Variants in RABGAP1L observed in about 807,000 individuals in gnomAD.
RABGAP1L encodes RAB GTPase activating protein 1 like.
A neutral mutation model predicts 137.7 loss-of-function variants in RABGAP1L; 63 were observed. That is an observed-to-expected ratio of 0.46 (90% CI 0.37 to 0.56). RABGAP1L has a LOEUF of 0.56. RABGAP1L is among the 20% of genes least tolerant of loss of function. The probability of loss-of-function intolerance (pLI) is 0.00; values close to 1 mark genes in which losing one functional copy is unlikely to be tolerated. For missense variants in RABGAP1L, 1,095 were observed against 1,244.0 expected (o/e 0.88, Z 1.80); for synonymous variants, 431 against 433.7 (o/e 0.99, Z 0.08).
At position 174,908,537 on chromosome 1, in the gene RABGAP1L, C is replaced by CTT. The variant is rs774387616; in HGVS notation, c.2341-48898_2341-48897dup. Reference sequence around the variant, plus strand: ...AAATAAGTAAGTTAAACAACATATTCTTTTTTTTTTTTTTTTTTTTTTTGA... The same window carrying CTT: ...AAATAAGTAAGTTAAACAACATATTCTTTTTTTTTTTTTTTTTTTTTTTTTGA... On this transcript the variant is annotated intron_variant, in intron 19 of 25. Transcript: ENST00000681986. Among the ~76,000 whole-genome samples the CTT allele has an allele frequency of 6.1e-3, 576 of 94,320 alleles. 1 individual carries two copies. Among genetic ancestry groups the CTT allele is most frequent in the Non-Finnish European group, 8.1e-3 (413 of 50,984 alleles). 61.9% of individuals were successfully genotyped at this position (94,320 alleles called of 152,430 possible). A position where few individuals can be genotyped will look rare whatever the true frequency, so the allele number is the denominator to read the frequency against.
intron 19 of RABGAP1L, among the ~76,000 whole-genome samples, chr1:174,859,419 G>A (rs1156702806): frequency 1.3e-5 from 2 of 150,064 alleles, no homozygotes; most frequent in African/African-American, 4.9e-5. Context: ...GGAGGCAGAG[G>A]TTGCAGTGAG....
In RABGAP1L at chr1:174,659,238, A is replaced by C. The variant is rs1268197620; in HGVS notation, c.1824+21750A>C. On this transcript the variant is annotated intron_variant, in intron 14 of 25. Transcript: ENST00000681986. ...TGAAGATACCTGCTTTACTTTACCA[A>C]AAAAAAAAAAAAAAAATCCTCAAAA... is the stretch of plus-strand genomic sequence containing the variant. 9.8e-5 allele frequency among the ~76,000 whole-genome samples: 6 copies of C among 60,974 alleles called. No individual in the cohort carries two copies. The African/African-American group carries it at 1.0e-3, about 10-fold the overall frequency. The allele number at this position is 60,974 out of a possible 152,430, so 40.0% of individuals were successfully genotyped here.
At chr1:174,349,747 T>A (rs560575250) in intron 11 of RABGAP1L, among the ~76,000 whole-genome samples, 3 of 124,548 alleles carry the variant, frequency 2.4e-5, no homozygotes, top group South Asian at 6.0e-4. Flanking sequence ...CCCCCCCACC[T>A]CCCTCCCAGA....
intron 13 of RABGAP1L, among the ~76,000 whole-genome samples, chr1:174,461,059 C>G (rs1275906648): frequency 6.6e-6 from 1 of 152,146 alleles, no homozygotes; most frequent in African/African-American, 2.4e-5. Flanking sequence ...GCTGTTCTCC[C>G]ATTATTACTG....
chr1:174,568,592 A>T (rs1450586888), intron 13 of RABGAP1L, among the ~76,000 whole-genome samples: 1 of 152,166 alleles, frequency 6.6e-6, no homozygotes, highest in African/African-American at 2.4e-5. Flanking sequence ...ATAAAGAAAG[A>T]GGAGTTGTAA....
chr1:174,657,250 T>C (rs760774997), intron 14 of RABGAP1L, among the ~76,000 whole-genome samples: 2 of 152,226 alleles, frequency 1.3e-5, no homozygotes, highest in Non-Finnish European at 2.9e-5. Context: ...CATTTCTTTG[T>C]GTTGAGAATA....
intron 12 of RABGAP1L, among the ~76,000 whole-genome samples, chr1:174,386,278 C>T (rs946144268): frequency 6.6e-6 from 1 of 152,234 alleles, no homozygotes; most frequent in East Asian, 1.9e-4. Flanking sequence ...ATTATTATAT[C>T]TTCATTTTAG....
At chr1:174,822,633 C>G (rs1352687007) in intron 19 of RABGAP1L, among the ~76,000 whole-genome samples, 1 of 152,192 alleles carries the variant, frequency 6.6e-6, no homozygotes. Flanking sequence ...ACAGAGCAGT[C>G]TAGATCCCTT....
intron 11 of RABGAP1L, among the ~76,000 whole-genome samples, chr1:174,338,869 T>C (rs1571289006): frequency 6.6e-6 from 1 of 152,106 alleles, no homozygotes; most frequent in East Asian, 1.9e-4. Flanking sequence ...TTTTGCACTT[T>C]TAAAAGGTTG....
chr1:174,872,550 T>G (rs192811991), intron 19 of RABGAP1L, among the ~76,000 whole-genome samples: 3 of 150,104 alleles, frequency 2.0e-5, no homozygotes, highest in Non-Finnish European at 3.0e-5. Context: ...AATTTTATCT[T>G]TCTTATAGTT....
intron 17 of RABGAP1L, among the ~76,000 whole-genome samples, chr1:174,719,324 C>T (rs1681295656): frequency 6.6e-6 from 1 of 152,078 alleles, no homozygotes; most frequent in African/African-American, 2.4e-5. Context: ...ACCTGAATTA[C>T]ATGTTACGTA....
intron 19 of RABGAP1L, among the ~76,000 whole-genome samples, chr1:174,900,290 T>C (rs1267722433): frequency 6.6e-6 from 1 of 152,200 alleles, no homozygotes; most frequent in Admixed American, 6.5e-5. Context: ...GGCCTGATCA[T>C]AAGAGCCCCG....
At chr1:174,799,965 CACACACACACACACTCTCACACAT>C in intron 18 of RABGAP1L, 1 of 891,834 alleles carries the variant, frequency 1.1e-6, no homozygotes, top group Non-Finnish European at 1.3e-6. Flanking sequence ...CACACACACA[CACACACACACACACTCTCACACAT>C]TCTCACATGC....
At chr1:174,512,151 CTAGT>C (rs1185938521) in intron 13 of RABGAP1L, among the ~76,000 whole-genome samples, 1 of 152,114 alleles carries the variant, frequency 6.6e-6, no homozygotes, top group Non-Finnish European at 1.5e-5. Flanking sequence ...TTATTTCTAA[CTAGT>C]TAGGAAAAAC....
chr1:174,161,660 C>A (rs769130990), intron 1 of RABGAP1L, among the ~76,000 whole-genome samples: 5 of 152,218 alleles, frequency 3.3e-5, no homozygotes, highest in Non-Finnish European at 5.9e-5. Flanking sequence ...TAGTAAGTCT[C>A]AGTACTATTG....
At chr1:174,759,238 T>G (rs1685015481) in intron 18 of RABGAP1L, among the ~76,000 whole-genome samples, 1 of 150,896 alleles carries the variant, frequency 6.6e-6, no homozygotes, top group African/African-American at 2.4e-5. Flanking sequence ...TGTTAGTTCA[T>G]TCTTGCATTG....
intron 14 of RABGAP1L, among the ~76,000 whole-genome samples, chr1:174,662,282 G>T (rs1572720921): frequency 6.6e-6 from 1 of 151,676 alleles, no homozygotes; most frequent in African/African-American, 2.4e-5. Context: ...TTTTGTATTT[G>T]TAGTAGAGAC....
intron 18 of RABGAP1L, among the ~76,000 whole-genome samples, chr1:174,789,659 T>C (rs765462077): frequency 5.9e-5 from 9 of 152,126 alleles, no homozygotes; most frequent in Non-Finnish European, 1.0e-4. Context: ...ACAGAAACAA[T>C]AAATGTTAAA....
chr1:174,688,790 A>G (rs962228880), intron 15 of RABGAP1L, among the ~76,000 whole-genome samples: 3 of 152,090 alleles, frequency 2.0e-5, no homozygotes, highest in African/African-American at 7.2e-5. Flanking sequence ...ATTCATATAA[A>G]TGAATCATAT....
Sources: allele counts gnomAD v4.1 joint callset (sites outside exome capture counted in the v4.1 genomes callset), GRCh38; gene constraint gnomAD v4.1.1; transcripts MANE v1.5; gene names NCBI Gene and HGNC (gene_info 2026-07-23, HGNC 2026-07-21).